The following NLRP8 variants were observed in gnomAD, a reference collection of about 807,000 sequenced individuals.
The protein encoded by NLRP8 is NLR family pyrin domain containing 8.
NLRP8 carries 86 observed loss-of-function variants against 88.7 expected under a neutral mutation model. The ratio of observed to expected loss-of-function variants is 0.97; its 90% confidence interval spans 0.81 to 1.16. The LOEUF is 1.16. Ranked by LOEUF, NLRP8 falls within the 50% of genes most tolerant of loss-of-function variation. The probability of loss-of-function intolerance (pLI) is 0.00; values close to 1 mark genes in which losing one functional copy is unlikely to be tolerated. For missense variants in NLRP8, 1,342 were observed against 1,286.5 expected (o/e 1.04, Z -0.66); for synonymous variants, 504 against 494.6 (o/e 1.02, Z -0.25).
intron 1 of NLRP8, 21 bp downstream of exon 1, chr19:55,948,290 T>A: frequency 6.3e-7 from 1 of 1,592,062 alleles, no homozygotes; most frequent in Non-Finnish European, 8.6e-7. Flanking sequence ...ATCTGGTGGA[T>A]AAAGTGGGGG....
chr19:55,970,086 C>A (rs1374578295), intron 5 of NLRP8, among the ~76,000 whole-genome samples: 1 of 152,036 alleles, frequency 6.6e-6, no homozygotes, highest in African/African-American at 2.4e-5. Flanking sequence ...CTAATAATAA[C>A]CTATTATTTC....
At chr19:55,951,971 C>T (rs541856243) in intron 1 of NLRP8, among the ~76,000 whole-genome samples, 6 of 152,208 alleles carry the variant, frequency 3.9e-5, no homozygotes, top group East Asian at 1.9e-4. Flanking sequence ...AAGCTGGTCT[C>T]GAACTCCTTG....
Position 55,947,839 on chromosome 19 carries a change from G to A in NLRP8, c.-64G>A. The stretch of plus-strand genomic sequence containing the variant: ...TGTTTTATGTCTCTGCAGGTCTCGT[G>A]TTTCTCTCTTCCAATCGGTTGTCTT... On this transcript the variant is annotated 5_prime_UTR_variant, in exon 1 of 10. Coordinates refer to ENST00000291971, the MANE Select transcript of NLRP8 (RefSeq NM_176811.2). 8 of 1,525,766 alleles carry A rather than the reference G, an allele frequency of 5.2e-6. No individual in the cohort carries two copies. Among genetic ancestry groups the A allele is most frequent in the Admixed American group, 2.0e-5 (1 of 49,640 alleles). The allele number at this position is 1,525,766 out of a possible 1,614,324, so 94.5% of individuals were successfully genotyped here.
intron 3 of NLRP8, among the ~76,000 whole-genome samples, chr19:55,958,152 C>G (rs919810272): frequency 6.6e-6 from 1 of 152,086 alleles, no homozygotes; most frequent in Non-Finnish European, 1.5e-5. Context: ...TAGACTGACC[C>G]CTGGCGAGAG....
At chr19:55,968,204 T>C (rs1200146957) in intron 5 of NLRP8, among the ~76,000 whole-genome samples, 2 of 152,158 alleles carry the variant, frequency 1.3e-5, no homozygotes, top group African/African-American at 4.8e-5. Flanking sequence ...TTTGGGAGGC[T>C]GAGGTGGGTG....
At chr19:55,968,836 C>T (rs747079524) in intron 5 of NLRP8, among the ~76,000 whole-genome samples, 2 of 152,206 alleles carry the variant, frequency 1.3e-5, no homozygotes, top group African/African-American at 2.4e-5. Context: ...AGGAGGCCCA[C>T]GAGCCACTGC....
chr19:55,974,141 G>A (rs1176536905), intron 7 of NLRP8, among the ~76,000 whole-genome samples: 1 of 152,182 alleles, frequency 6.6e-6, no homozygotes, highest in Non-Finnish European at 1.5e-5. Flanking sequence ...ACCTCGAGGT[G>A]TAAGAATTAA....
intron 9 of NLRP8, chr19:55,987,780 C>A: frequency 6.6e-7 from 1 of 1,520,718 alleles, no homozygotes; most frequent in Non-Finnish European, 9.1e-7. Flanking sequence ...CAGAAAATAA[C>A]CTCAACCAGC....
At chr19:55,958,022 C>T (rs1979453176) in intron 3 of NLRP8, among the ~76,000 whole-genome samples, 1 of 152,156 alleles carries the variant, frequency 6.6e-6, no homozygotes, top group Admixed American at 6.6e-5. Context: ...CTCCCTTCAA[C>T]TCCATGTTGC....
intron 7 of NLRP8, 63 bp downstream of exon 7, chr19:55,973,885 C>G: frequency 1.4e-6 from 2 of 1,478,120 alleles, no homozygotes; most frequent in Non-Finnish European, 9.2e-7. Context: ...TGAAGAGAAC[C>G]TGTTATATAT....
chr19:55,955,802 G>C lies in NLRP8; in HGVS notation c.1744G>C (p.Gly582Arg). ...GTCATTCCAATGCAAGGTGTCTTTC[G>C]GTAATAAGAGGAAACTGCTGAAAGT... is the stretch of plus-strand genomic sequence containing the variant. Residue 582 changes from glycine (G) to arginine (R), a missense_variant, in exon 3 of 10, where the codon GGT (glycine) becomes CGT (arginine). Gly to Arg is a moderately radical substitution (Grantham distance 125, BLOSUM62 -2). Transcript: ENST00000291971. 6.2e-7 allele frequency: 1 copy of C among 1,614,108 alleles called. No individual in the cohort carries two copies. Among genetic ancestry groups the C allele is most frequent in the Non-Finnish European group, 8.5e-7 (1 of 1,180,014 alleles).
intron 1 of NLRP8, among the ~76,000 whole-genome samples, chr19:55,952,152 C>T (rs1979123518): frequency 6.6e-6 from 1 of 152,054 alleles, no homozygotes; most frequent in Non-Finnish European, 1.5e-5. Context: ...ATGTAGATCC[C>T]ACGGTAATGA....
At chr19:55,948,411 G>A in intron 1 of NLRP8, 142 bp downstream of exon 1, 1 of 850,132 alleles carries the variant, frequency 1.2e-6, no homozygotes, top group Non-Finnish European at 1.8e-6. Context: ...TAACCCAAAG[G>A]CAAAGACTGT....
Position 55,986,921 on chromosome 19 carries a change from C to T in NLRP8, c.3048-893C>T, listed in dbSNP as rs1048847612. On this transcript the variant is annotated intron_variant, in intron 9 of 9. Coordinates refer to ENST00000291971, the MANE Select transcript of NLRP8 (RefSeq NM_176811.2). Reference sequence around the variant, plus strand: ...AGCTTACTAGGTGCCCCCACCCTCTCCCTTCTGGCTGCTCAAAGCCCAGGA... The same window carrying T: ...AGCTTACTAGGTGCCCCCACCCTCTTCCTTCTGGCTGCTCAAAGCCCAGGA... 9.2e-5 allele frequency among the ~76,000 whole-genome samples: 14 copies of T among 152,334 alleles called. 1 individual carries two copies. The highest frequency in any genetic ancestry group is 2.0e-4 in the Admixed American group (3 of 15,298).
rs918668223 is a variant in NLRP8, at chr19:55,979,414, C to A, written c.2897C>A (p.Thr966Asn). Residue 966 changes from threonine to asparagine, a missense_variant, in exon 9 of 10, where the codon ACC (threonine) becomes AAC (asparagine). By Grantham distance (65) the Thr-to-Asn change is moderately conservative (BLOSUM62 0). Transcript: ENST00000291971. ...CACAGGCTGGAAAACTGCCTGTTCA[C>A]CTCCATCTGCTGCCAGGCCATGGCT... The A allele has an allele frequency of 1.9e-6, 3 of 1,613,804 alleles. No individual in the cohort carries two copies. In the African/African-American group the frequency reaches 4.0e-5, roughly 22 times the overall value.
At chr19:55,987,227 G>A (rs746713585) in intron 9 of NLRP8, among the ~76,000 whole-genome samples, 1 of 152,170 alleles carries the variant, frequency 6.6e-6, no homozygotes, top group Non-Finnish European at 1.5e-5. Flanking sequence ...AAAATGAGCT[G>A]GGCGTGGTGG....
chr19:55,973,609 A>G, intron 6 of NLRP8, 43 bp from the exon 7 acceptor site: 2 of 1,527,566 alleles, frequency 1.3e-6, no homozygotes, highest in South Asian at 1.3e-5. Flanking sequence ...TGTGAGACAA[A>G]GACCCCTCTC....
At chr19:55,959,159 T>C (rs1979504912) in intron 3 of NLRP8, among the ~76,000 whole-genome samples, 1 of 151,560 alleles carries the variant, frequency 6.6e-6, no homozygotes, top group African/African-American at 2.4e-5. Flanking sequence ...ATTACAGGTG[T>C]GAGCCACCAT....
intron 1 of NLRP8, among the ~76,000 whole-genome samples, chr19:55,950,424 AACACAC>A (rs113284539): frequency 2.0e-5 from 3 of 149,092 alleles, no homozygotes; most frequent in East Asian, 3.9e-4. Flanking sequence ...CATCTCAAGA[AACACAC>A]ACACACACAC....
Sources: allele counts gnomAD v4.1 joint callset (sites outside exome capture counted in the v4.1 genomes callset), GRCh38; gene constraint gnomAD v4.1.1; transcripts MANE v1.5; gene names NCBI Gene and HGNC (gene_info 2026-07-23, HGNC 2026-07-21).